KCNIP4: variants seen among roughly 807,000 people sequenced by gnomAD.
KCNIP4 encodes the protein potassium voltage-gated channel interacting protein 4.
In KCNIP4, 12 loss-of-function variants were observed where a neutral mutation model predicts 34.0. That is an observed-to-expected ratio of 0.35 (90% CI 0.23 to 0.57). The LOEUF (loss-of-function observed/expected upper bound fraction) is 0.57, where lower values mean the gene tolerates loss of function less well. Ranked by LOEUF, KCNIP4 falls within the 20% of genes least tolerant of loss-of-function variation. KCNIP4 has a pLI of 0.83. For synonymous variants in KCNIP4, 124 were observed against 102.2 expected (o/e 1.21, Z -1.29); for missense variants, 238 against 311.7 (o/e 0.76, Z 1.78).
intron 1 of KCNIP4, among the ~76,000 whole-genome samples, chr4:21,248,154 C>T (rs1760433415): frequency 6.6e-6 from 1 of 151,250 alleles, no homozygotes; most frequent in African/African-American, 2.4e-5. Context: ...TAGAGATTGC[C>T]TTCTGTATTT....
At chr4:20,781,223 G>A (rs1220676905) in intron 3 of KCNIP4, among the ~76,000 whole-genome samples, 1 of 152,276 alleles carries the variant, frequency 6.6e-6, no homozygotes, top group East Asian at 1.9e-4. Flanking sequence ...AAATTAATCT[G>A]CAAACACATT....
intron 1 of KCNIP4, among the ~76,000 whole-genome samples, chr4:21,820,537 T>C (rs1011338339): frequency 1.3e-5 from 2 of 152,034 alleles, no homozygotes; most frequent in East Asian, 1.9e-4. Context: ...GAACAAAATA[T>C]ACAAATTATA....
At chr4:20,832,939 T>C (rs4391029) in intron 3 of KCNIP4, among the ~76,000 whole-genome samples, 26,974 of 152,136 alleles carry the variant, frequency 0.18, 2,548 homozygotes, top group South Asian at 0.39. Flanking sequence ...TTTTATTATT[T>C]GGAGATTATA....
At chr4:21,144,439 G>T (rs1752204062) in intron 1 of KCNIP4, among the ~76,000 whole-genome samples, 1 of 152,132 alleles carries the variant, frequency 6.6e-6, no homozygotes, top group Non-Finnish European at 1.5e-5. Flanking sequence ...GTCAAAAAAA[G>T]AGCTAAATAT....
chr4:20,896,536 G>C (rs1201634204), intron 1 of KCNIP4, among the ~76,000 whole-genome samples: 2 of 152,152 alleles, frequency 1.3e-5, no homozygotes, highest in African/African-American at 4.8e-5. Context: ...TGAGGACAGA[G>C]GCAAAGATTG....
chr4:20,874,147 C>T (rs998946174), intron 2 of KCNIP4, among the ~76,000 whole-genome samples: 2 of 152,154 alleles, frequency 1.3e-5, no homozygotes, highest in East Asian at 1.9e-4. Flanking sequence ...AGCAAACTTA[C>T]AGATTATTTA....
At chr4:21,066,270 G>A (rs1744372814) in intron 1 of KCNIP4, among the ~76,000 whole-genome samples, 1 of 152,030 alleles carries the variant, frequency 6.6e-6, no homozygotes, top group Admixed American at 6.6e-5. Context: ...TCCTTTTAGG[G>A]CTAAGGAAAA....
At chr4:21,056,571 C>A (rs1214338394) in intron 1 of KCNIP4, among the ~76,000 whole-genome samples, 1 of 152,146 alleles carries the variant, frequency 6.6e-6, no homozygotes, top group Non-Finnish European at 1.5e-5. Flanking sequence ...GCCCTACATA[C>A]ACCCATTCTA....
chr4:21,489,463 TTAAAACC>T (rs1490035361), intron 1 of KCNIP4, among the ~76,000 whole-genome samples: 1 of 152,144 alleles, frequency 6.6e-6, no homozygotes, highest in Non-Finnish European at 1.5e-5. Flanking sequence ...CAGTGACTGT[TTAAAACC>T]TATGATGAAA....
At chr4:21,201,006 T>C (rs1256560121) in intron 1 of KCNIP4, among the ~76,000 whole-genome samples, 2 of 152,098 alleles carry the variant, frequency 1.3e-5, no homozygotes, top group Non-Finnish European at 2.9e-5. Flanking sequence ...TTGTCCAAGG[T>C]CACCCAGTGA....
At chr4:21,263,994 T>A (rs997450728) in intron 1 of KCNIP4, among the ~76,000 whole-genome samples, 4 of 151,982 alleles carry the variant, frequency 2.6e-5, no homozygotes, top group African/African-American at 9.7e-5. Flanking sequence ...TGTGTGTGTA[T>A]CCTTATCTGT....
chr4:21,531,977 G>T (rs1736718569), intron 1 of KCNIP4, among the ~76,000 whole-genome samples: 1 of 152,076 alleles, frequency 6.6e-6, no homozygotes, highest in Non-Finnish European at 1.5e-5. Context: ...TAGGAATGAG[G>T]TGGGTAGGAA....
At chr4:21,927,708 C>A (rs1037954039) in intron 1 of KCNIP4, among the ~76,000 whole-genome samples, 1 of 152,054 alleles carries the variant, frequency 6.6e-6, no homozygotes, top group Non-Finnish European at 1.5e-5. Context: ...GTCGCATTAC[C>A]TTGTTTCTAA....
At chr4:21,418,877 G>T (rs754043619) in intron 1 of KCNIP4, among the ~76,000 whole-genome samples, 3 of 152,172 alleles carry the variant, frequency 2.0e-5, no homozygotes, top group African/African-American at 7.2e-5. Context: ...CCCTACAAGA[G>T]CCAGATAATA....
intron 1 of KCNIP4, among the ~76,000 whole-genome samples, chr4:21,147,968 AG>A (rs201083258): frequency 6.7e-6 from 1 of 148,436 alleles, no homozygotes; most frequent in Non-Finnish European, 1.5e-5. Context: ...AAAGAAAAAA[AG>A]TTCAAGTACT....
intron 1 of KCNIP4, among the ~76,000 whole-genome samples, chr4:21,076,215 GATA>G: frequency 6.6e-6 from 1 of 152,068 alleles, no homozygotes; most frequent in Non-Finnish European, 1.5e-5. Context: ...TTCTCTCCTG[GATA>G]ATATCCTGCA....
chr4:21,879,569 G>A (rs575124871), intron 1 of KCNIP4, among the ~76,000 whole-genome samples: 52 of 152,290 alleles, frequency 3.4e-4, no homozygotes, highest in African/African-American at 1.2e-3. Context: ...TGAATATAAA[G>A]TCATGTCTTG....
chr4:21,640,629 C>A (rs187836353), intron 1 of KCNIP4, among the ~76,000 whole-genome samples: 1 of 152,288 alleles, frequency 6.6e-6, no homozygotes, highest in African/African-American at 2.4e-5. Flanking sequence ...TGATACAGCC[C>A]TTTCTCAATC....
chr4:21,101,348 A>G (rs1747924933), intron 1 of KCNIP4, among the ~76,000 whole-genome samples: 2 of 151,964 alleles, frequency 1.3e-5, no homozygotes, highest in South Asian at 4.1e-4. Context: ...TATATATATC[A>G]TTTCTTTATA....
Sources: gnomAD v4.1 joint callset for allele counts (sites outside exome capture counted in the v4.1 genomes callset) on GRCh38, gnomAD v4.1.1 for gene constraint, MANE v1.5 for transcripts, NCBI Gene and HGNC (gene_info 2026-07-23, HGNC 2026-07-21) for gene names.